Variants in ATP8A1 observed in about 807,000 individuals in gnomAD.
The protein encoded by ATP8A1 is ATPase phospholipid transporting 8A1, also known as phospholipid-transporting ATPase IA.
In ATP8A1, 90 loss-of-function variants were observed where a neutral mutation model predicts 177.7. That is an observed-to-expected ratio of 0.51 (90% CI 0.43 to 0.60). ATP8A1 has a LOEUF of 0.60. ATP8A1 is among the 20% of genes least tolerant of loss of function. ATP8A1 has a pLI of 0.00. For missense variants in ATP8A1, 1,072 were observed against 1,392.8 expected (o/e 0.77, Z 3.67); for synonymous variants, 493 against 485.9 (o/e 1.01, Z -0.19).
rs1712722360 is a variant in ATP8A1, at chr4:42,412,401, A to T, written c.*515T>A. 1 of 152,258 alleles carries T rather than the reference A, an allele frequency of 6.6e-6. No individual in the cohort carries two copies. Among genetic ancestry groups the T allele is most frequent in the Non-Finnish European group, 1.5e-5 (1 of 68,066 alleles). The allele number at this position is 152,258 out of a possible 1,614,324, so 9.4% of individuals were successfully genotyped here. On this transcript the variant is annotated 3_prime_UTR_variant, in exon 37 of 37. Transcript: ENST00000381668. The stretch of plus-strand genomic sequence containing the variant: ...GAACCTCTTTGGCAAACATTTATCA[A>T]GACAATTTTGGACACAAATGCTTGT...
intron 17 of ATP8A1, 112 bp from the exon 18 acceptor site, chr4:42,551,392 A>T: frequency 1.4e-6 from 1 of 695,990 alleles, no homozygotes; most frequent in Non-Finnish European, 2.5e-6. Flanking sequence ...AGTTCTTTTT[A>T]TTCTGGCTCA....
chr4:42,446,557 AAAC>A, intron 31 of ATP8A1, 23 bp downstream of exon 31: 2 of 1,608,356 alleles, frequency 1.2e-6, no homozygotes, highest in South Asian at 2.2e-5. Flanking sequence ...TTTTACACGC[AAAC>A]GAGACCGACA....
At chr4:42,594,179 G>T (rs1182373537) in intron 6 of ATP8A1, 1 of 594,744 alleles carries the variant, frequency 1.7e-6, no homozygotes, top group East Asian at 2.7e-5. Flanking sequence ...AATTATTAGA[G>T]AGGTTTTAAA....
At chr4:42,540,107 T>C (rs1358384813) in intron 20 of ATP8A1, among the ~76,000 whole-genome samples, 1 of 151,942 alleles carries the variant, frequency 6.6e-6, no homozygotes, top group East Asian at 1.9e-4. Flanking sequence ...ATAATTCCCT[T>C]AAAAGGTGGA....
chr4:42,524,697 GC>G, intron 21 of ATP8A1, 65 bp downstream of exon 21: 1 of 1,021,646 alleles, frequency 9.8e-7, no homozygotes, highest in Non-Finnish European at 1.5e-6. Flanking sequence ...TAAGGATCCT[GC>G]AAGGTATCAG....
At position 42,455,545 on chromosome 4, in the gene ATP8A1, A is replaced by G; in HGVS notation, c.2674T>C (p.Cys892Arg). The change falls in exon 28 of 37, where the codon TGT becomes CGT. Residue 892 changes from cysteine (C) to arginine (R), a missense_variant. By Grantham distance (180) the Cys-to-Arg change is radical (BLOSUM62 -3). Around this residue, in one of 5 missense-constraint regions of ATP8A1, gnomAD observed 316 missense variants for 459.1 expected, o/e 0.69. Transcript: ENST00000381668. ...CTTACCACGTTATAGAGACCTATACACCATCTTTCAAAGAGGATCTGTCCA... is the reference window on the plus strand; with the variant it reads ...CTTACCACGTTATAGAGACCTATACGCCATCTTTCAAAGAGGATCTGTCCA... ...FSGQILFERW[C>R]IGLYNVMFTA... is the part of the protein sequence containing the mutation. 3.1e-6 allele frequency: 5 copies of G among 1,613,774 alleles called. No individual in the cohort carries two copies. The highest frequency in any genetic ancestry group is 4.2e-6 in the Non-Finnish European group (5 of 1,179,772).
At chr4:42,652,370 G>C (rs1424898730) in intron 1 of ATP8A1, among the ~76,000 whole-genome samples, 1 of 152,026 alleles carries the variant, frequency 6.6e-6, no homozygotes. Flanking sequence ...AGCCCAATAA[G>C]ATCCCTGATA....
intron 12 of ATP8A1, among the ~76,000 whole-genome samples, chr4:42,576,514 GTTT>G (rs1475891962): frequency 2.8e-5 from 3 of 107,432 alleles, no homozygotes; most frequent in Non-Finnish European, 6.0e-5. Context: ...AAAGAGCATA[GTTT>G]TTTACTTATT....
intron 8 of ATP8A1, among the ~76,000 whole-genome samples, chr4:42,587,125 G>A (rs1472092197): frequency 1.3e-5 from 2 of 152,216 alleles, no homozygotes; most frequent in Non-Finnish European, 2.9e-5. Flanking sequence ...TGCTTGACAC[G>A]ATATGAAAAG....
At chr4:42,590,529 A>G (rs1291009295) in intron 7 of ATP8A1, among the ~76,000 whole-genome samples, 1 of 152,196 alleles carries the variant, frequency 6.6e-6, no homozygotes, top group East Asian at 1.9e-4. Flanking sequence ...AATATATATT[A>G]ATGGTGCACA....
In ATP8A1 at chr4:42,656,854, G is replaced by T. The variant is rs1399327919; in HGVS notation, c.20C>A (p.Thr7Asn). MPTMRR[T>N]VSEIRSRAEG... ...GGCGCGCGAGCGGATCTCCGACACGGTCCTCCGCATGGTGGGCATCGCGGC... is the reference window on the plus strand; with the variant it reads ...GGCGCGCGAGCGGATCTCCGACACGTTCCTCCGCATGGTGGGCATCGCGGC... The change falls in exon 1 of 37, where the codon ACC becomes AAC. Residue 7 changes from threonine to asparagine, a missense_variant. By Grantham distance (65) the Thr-to-Asn change is moderately conservative (BLOSUM62 0). Around this residue, in one of 5 missense-constraint regions of ATP8A1, gnomAD observed 344 missense variants for 393.5 expected, o/e 0.87. Transcript: ENST00000381668. The T allele has an allele frequency of 6.3e-7, 1 of 1,586,456 alleles. No individual in the cohort carries two copies. The highest frequency in any genetic ancestry group is 8.6e-7 in the Non-Finnish European group (1 of 1,166,594).
At chr4:42,429,297 G>A (rs1305470656) in intron 33 of ATP8A1, among the ~76,000 whole-genome samples, 1 of 151,844 alleles carries the variant, frequency 6.6e-6, no homozygotes, top group African/African-American at 2.4e-5. Context: ...AGCTAAATAT[G>A]TTAAACTATC....
intron 10 of ATP8A1, 35 bp downstream of exon 10, chr4:42,581,586 T>A (rs77203728): frequency 6.1e-6 from 9 of 1,470,842 alleles, no homozygotes; most frequent in Middle Eastern, 1.7e-4. Context: ...CACAAAAGCC[T>A]TAGGTCCAAA....
chr4:42,644,249 A>G (rs897437392), intron 1 of ATP8A1, among the ~76,000 whole-genome samples: 5 of 152,234 alleles, frequency 3.3e-5, no homozygotes, highest in African/African-American at 1.2e-4. Context: ...AATTCACTTA[A>G]TAAGTTCAAG....
At chr4:42,435,464 C>CAAAAAAAAAA (rs1715875509) in intron 33 of ATP8A1, among the ~76,000 whole-genome samples, 1 of 113,194 alleles carries the variant, frequency 8.8e-6, no homozygotes, top group African/African-American at 3.3e-5. Flanking sequence ...AAAAAAAAAA[C>CAAAAAAAAAA]AAACTATCTC....
At chr4:42,485,451 C>T (rs534987685) in intron 25 of ATP8A1, 45 bp downstream of exon 25, 5 of 1,521,168 alleles carry the variant, frequency 3.3e-6, no homozygotes, top group Admixed American at 4.0e-5. Flanking sequence ...GAACTTAGAT[C>T]AAGTCATTCT....
chr4:42,413,160 GA>G, intron 36 of ATP8A1, 147 bp from the exon 37 acceptor site: 1 of 638,954 alleles, frequency 1.6e-6, no homozygotes, highest in Non-Finnish European at 2.7e-6. Context: ...TTAATGCCTA[GA>G]AAAGATACAG....
At chr4:42,566,462 T>A (rs900081230) in intron 15 of ATP8A1, among the ~76,000 whole-genome samples, 3 of 152,204 alleles carry the variant, frequency 2.0e-5, no homozygotes, top group Non-Finnish European at 4.4e-5. Context: ...ACACTTTTGA[T>A]CTTGGTTTCA....
intron 4 of ATP8A1, among the ~76,000 whole-genome samples, chr4:42,622,017 T>C (rs896459056): frequency 1.8e-4 from 28 of 152,182 alleles, no homozygotes; most frequent in African/African-American, 6.3e-4. Flanking sequence ...CTGGAATAAC[T>C]GGTTAGCCAT....
Sources: allele counts gnomAD v4.1 joint callset (sites outside exome capture counted in the v4.1 genomes callset), GRCh38; gene constraint gnomAD v4.1.1; regional missense constraint gnomAD v4.1.1; transcripts MANE v1.5; gene names NCBI Gene and HGNC (gene_info 2026-07-23, HGNC 2026-07-21).